LYPLAL1: variants seen among roughly 807,000 people sequenced by gnomAD.
The protein encoded by LYPLAL1 is lysophospholipase-like protein 1.
In LYPLAL1, 23 loss-of-function variants were observed where a neutral mutation model predicts 19.7. The ratio of observed to expected loss-of-function variants is 1.17; its 90% CI spans 0.84 to 1.65. The LOEUF is 1.65. Among genes scored for constraint, LYPLAL1 ranks in the 40% most tolerant of loss-of-function variants. LYPLAL1 has a pLI of 0.00. For missense variants in LYPLAL1, 355 were observed against 279.4 expected (o/e 1.27, Z -1.93); for synonymous variants, 119 against 96.3 (o/e 1.24, Z -1.38).
the LYPLAL1 span, among the ~76,000 whole-genome samples, chr1:219,224,285 A>G: frequency 6.6e-6 from 1 of 152,246 alleles, no homozygotes; most frequent in African/African-American, 2.4e-5. Flanking sequence ...TTCAACAGCA[A>G]TAAATCTCTA....
At chr1:219,239,015 G>T in the LYPLAL1 span, among the ~76,000 whole-genome samples, 2 of 152,096 alleles carry the variant, frequency 1.3e-5, no homozygotes, top group African/African-American at 4.8e-5. Flanking sequence ...GCTGATGAGG[G>T]TTTGTCCCAG....
chr1:219,405,610 G>T, the LYPLAL1 span, among the ~76,000 whole-genome samples: 12 of 152,080 alleles, frequency 7.9e-5, no homozygotes, highest in South Asian at 2.3e-3. Context: ...CCAGAACAGC[G>T]CATTACTATA....
chr1:219,314,684 G>A, the LYPLAL1 span, among the ~76,000 whole-genome samples: 10 of 152,110 alleles, frequency 6.6e-5, no homozygotes, highest in African/African-American at 1.9e-4. Context: ...CACCCACCTC[G>A]GCCTCCCAAA....
At chr1:219,412,346 C>G in the LYPLAL1 span, among the ~76,000 whole-genome samples, 1 of 152,210 alleles carries the variant, frequency 6.6e-6, no homozygotes, top group African/African-American at 2.4e-5. Context: ...GGTTTCTCTT[C>G]TTGGTTTAAT....
At chr1:219,221,987 C>T in the LYPLAL1 span, among the ~76,000 whole-genome samples, 2 of 152,156 alleles carry the variant, frequency 1.3e-5, no homozygotes, top group Non-Finnish European at 2.9e-5. Flanking sequence ...GACATATCCT[C>T]GCCCTATGGG....
the LYPLAL1 span, among the ~76,000 whole-genome samples, chr1:219,424,787 G>C: frequency 6.6e-6 from 1 of 152,080 alleles, no homozygotes; most frequent in Non-Finnish European, 1.5e-5. Flanking sequence ...GTAGGTTTTA[G>C]GATATGACTT....
chr1:219,310,017 G>A, the LYPLAL1 span, among the ~76,000 whole-genome samples: 3,001 of 152,262 alleles, frequency 0.02, 42 homozygotes, highest in Non-Finnish European at 0.034. Flanking sequence ...ATAAAATTTA[G>A]CATTTAAAAG....
At chr1:219,424,948 A>G in the LYPLAL1 span, among the ~76,000 whole-genome samples, 1 of 152,234 alleles carries the variant, frequency 6.6e-6, no homozygotes, top group Non-Finnish European at 1.5e-5. Flanking sequence ...CTCAAAATAT[A>G]TTAACTAACT....
the LYPLAL1 span, among the ~76,000 whole-genome samples, chr1:219,282,874 G>A: frequency 6.6e-6 from 1 of 151,802 alleles, no homozygotes; most frequent in Admixed American, 6.6e-5. Flanking sequence ...ATGAAGGGAA[G>A]GTTCATGATT....
the LYPLAL1 span, among the ~76,000 whole-genome samples, chr1:219,331,424 G>C: frequency 6.6e-6 from 1 of 152,132 alleles, no homozygotes; most frequent in Non-Finnish European, 1.5e-5. Context: ...ACTAAGCAAT[G>C]CTCCGTTTTT....
At chr1:219,277,082 A>T in the LYPLAL1 span, among the ~76,000 whole-genome samples, 1 of 152,186 alleles carries the variant, frequency 6.6e-6, no homozygotes, top group Admixed American at 6.5e-5. Context: ...TGGCAAAAAC[A>T]AATCTAATAT....
chr1:219,322,372 G>A, the LYPLAL1 span, among the ~76,000 whole-genome samples: 1 of 152,154 alleles, frequency 6.6e-6, no homozygotes, highest in African/African-American at 2.4e-5. Context: ...GATAAACATG[G>A]TGTTTATAAT....
the LYPLAL1 span, among the ~76,000 whole-genome samples, chr1:219,405,688 T>C: frequency 6.6e-6 from 1 of 152,194 alleles, no homozygotes; most frequent in Non-Finnish European, 1.5e-5. Flanking sequence ...TTTTTTCTAA[T>C]AGCAGGCTTC....
At chr1:219,384,529 A>C in the LYPLAL1 span, among the ~76,000 whole-genome samples, 6 of 152,334 alleles carry the variant, frequency 3.9e-5, no homozygotes, top group African/African-American at 1.4e-4. Context: ...ATCTCAGATC[A>C]AAGGTAATGT....
the LYPLAL1 span, among the ~76,000 whole-genome samples, chr1:219,326,557 G>A: frequency 6.6e-6 from 1 of 152,080 alleles, no homozygotes; most frequent in Non-Finnish European, 1.5e-5. Flanking sequence ...TTGACTCGGG[G>A]TAGTGGCCTA....
At chr1:219,179,370 T>G in intron 2 of LYPLAL1, 124 bp downstream of exon 2, 2 of 736,640 alleles carry the variant, frequency 2.7e-6, no homozygotes, top group Non-Finnish European at 4.5e-6. Context: ...ATTAGAGTAC[T>G]TTGTCCCCAG....
chr1:219,188,370 G>A (rs1236674929), intron 2 of LYPLAL1, among the ~76,000 whole-genome samples: 1 of 151,810 alleles, frequency 6.6e-6, no homozygotes, highest in Non-Finnish European at 1.5e-5. Context: ...CTGAGAAGGT[G>A]ACACTTGAGC....
the LYPLAL1 span, among the ~76,000 whole-genome samples, chr1:219,323,682 A>G: frequency 6.6e-6 from 1 of 152,210 alleles, no homozygotes; most frequent in Non-Finnish European, 1.5e-5. Context: ...AACAATGTAT[A>G]GTATAAGCCT....
At chr1:219,268,260 G>T in the LYPLAL1 span, among the ~76,000 whole-genome samples, 4 of 152,088 alleles carry the variant, frequency 2.6e-5, no homozygotes, top group Non-Finnish European at 5.9e-5. Flanking sequence ...GATAAGGAGG[G>T]GTGGGGGGAT....
Sources: allele counts gnomAD v4.1 joint callset (sites outside exome capture counted in the v4.1 genomes callset), GRCh38; gene constraint gnomAD v4.1.1; transcripts MANE v1.5; gene names NCBI Gene and HGNC (gene_info 2026-07-23, HGNC 2026-07-21).